DSCAM: variants seen among roughly 807,000 people sequenced by gnomAD.
DSCAM encodes cell adhesion molecule DSCAM.
DSCAM carries 47 observed loss-of-function variants against 217.7 expected under a neutral mutation model. The observed-to-expected ratio is 0.22, with a 90% confidence interval of 0.17 to 0.28. The LOEUF is 0.28. Ranked by LOEUF, DSCAM falls within the 10% of genes least tolerant of loss-of-function variation. The pLI is 1.00. For missense variants in DSCAM, 2,080 were observed against 2,618.3 expected, an observed-to-expected ratio of 0.79 and a Z score of 4.49; for synonymous variants, 1,056 against 1,015.3, an observed-to-expected ratio of 1.04 and a Z score of -0.76.
intron 1 of DSCAM, among the ~76,000 whole-genome samples, chr21:40,726,533 G>T (rs2090956918): frequency 7.0e-6 from 1 of 142,668 alleles, no homozygotes; most frequent in South Asian, 2.2e-4. Context: ...GAACATAGAA[G>T]AGTCAGCTTT....
intron 9 of DSCAM, among the ~76,000 whole-genome samples, chr21:40,311,796 A>G (rs985934604): frequency 2.0e-5 from 3 of 152,192 alleles, no homozygotes; most frequent in African/African-American, 7.2e-5. Context: ...TCATTGGCTT[A>G]GCATACGGAA....
At chr21:40,504,731 A>G (rs2076196965) in intron 3 of DSCAM, among the ~76,000 whole-genome samples, 1 of 152,230 alleles carries the variant, frequency 6.6e-6, no homozygotes, top group Non-Finnish European at 1.5e-5. Flanking sequence ...GAATGGTTCA[A>G]TACAGAGGAC....
At chr21:40,768,283 G>T (rs1253724478) in intron 1 of DSCAM, among the ~76,000 whole-genome samples, 1 of 152,116 alleles carries the variant, frequency 6.6e-6, no homozygotes, top group East Asian at 1.9e-4. Flanking sequence ...AAGACAGGTG[G>T]CCTTCCCACC....
At chr21:40,831,325 A>T (rs1454157466) in intron 1 of DSCAM, among the ~76,000 whole-genome samples, 2 of 152,222 alleles carry the variant, frequency 1.3e-5, no homozygotes, top group Non-Finnish European at 2.9e-5. Flanking sequence ...ACACAGGCAC[A>T]CACAGGCATA....
chr21:40,111,026 C>T (rs1272571485), intron 20 of DSCAM, among the ~76,000 whole-genome samples: 1 of 152,158 alleles, frequency 6.6e-6, no homozygotes. Flanking sequence ...CCCAATCTAG[C>T]AAGGCAGGCC....
intron 3 of DSCAM, chr21:40,384,613 CACA>C (rs1383459592): frequency 8.5e-5 from 13 of 153,182 alleles, no homozygotes; most frequent in Non-Finnish European, 1.6e-4. Flanking sequence ...ATCTCAAAAC[CACA>C]ACAACAACAA....
intron 16 of DSCAM, among the ~76,000 whole-genome samples, chr21:40,156,345 G>A (rs1020556450): frequency 6.8e-6 from 1 of 147,674 alleles, no homozygotes; most frequent in African/African-American, 2.5e-5. Context: ...GAGAGAAAGG[G>A]GCTTGTAAAG....
At chr21:40,423,234 C>A (rs1026808882) in intron 3 of DSCAM, among the ~76,000 whole-genome samples, 8 of 152,220 alleles carry the variant, frequency 5.3e-5, no homozygotes, top group African/African-American at 1.9e-4. Context: ...CAAATATATT[C>A]ATTCCCAAAA....
chr21:40,380,159 GC>G (rs2075005515), intron 3 of DSCAM, among the ~76,000 whole-genome samples: 1 of 152,128 alleles, frequency 6.6e-6, no homozygotes, highest in African/African-American at 2.4e-5. Flanking sequence ...ACTAATTTAA[GC>G]CTGCATACTG....
intron 24 of DSCAM, among the ~76,000 whole-genome samples, chr21:40,082,389 G>A (rs1314046783): frequency 6.6e-6 from 1 of 152,204 alleles, no homozygotes; most frequent in Non-Finnish European, 1.5e-5. Context: ...GAACCCGGGA[G>A]GCAGAGGTTG....
chr21:40,469,137 C>A (rs2075868040), intron 3 of DSCAM, among the ~76,000 whole-genome samples: 1 of 152,182 alleles, frequency 6.6e-6, no homozygotes, highest in African/African-American at 2.4e-5. Flanking sequence ...AGAACTATAA[C>A]AACCCCTACC....
At chr21:40,227,039 G>T (rs2091339466) in intron 11 of DSCAM, among the ~76,000 whole-genome samples, 1 of 152,070 alleles carries the variant, frequency 6.6e-6, no homozygotes, top group Admixed American at 6.5e-5. Context: ...TAAGGATAAT[G>T]GTCTCCAGCT....
At chr21:40,205,525 C>T (rs1425533502) in intron 11 of DSCAM, among the ~76,000 whole-genome samples, 2 of 151,634 alleles carry the variant, frequency 1.3e-5, no homozygotes, top group Non-Finnish European at 2.9e-5. Flanking sequence ...ATCGCTTAAA[C>T]CCGGGAGATG....
chr21:40,700,622 T>C (rs931615036), intron 2 of DSCAM, among the ~76,000 whole-genome samples: 2 of 152,182 alleles, frequency 1.3e-5, no homozygotes, highest in Non-Finnish European at 2.9e-5. Context: ...TTTAGTTTTC[T>C]TATGTCTTGT....
intron 8 of DSCAM, 121 bp from the exon 9 acceptor site, chr21:40,312,480 G>A (rs780304925): frequency 1.8e-6 from 2 of 1,107,470 alleles, no homozygotes; most frequent in South Asian, 2.2e-5. Context: ...TAGAAATACA[G>A]GAACTGTAGC....
At chr21:40,251,504 A>AT (rs2073304318) in intron 11 of DSCAM, among the ~76,000 whole-genome samples, 1 of 152,070 alleles carries the variant, frequency 6.6e-6, no homozygotes, top group Non-Finnish European at 1.5e-5. Flanking sequence ...CCTTGTTTTA[A>AT]TTTGGGATAG....
chr21:40,777,986 T>A (rs183498919), intron 1 of DSCAM, among the ~76,000 whole-genome samples: 33 of 152,274 alleles, frequency 2.2e-4, no homozygotes, highest in African/African-American at 7.5e-4. Context: ...GATAATGATA[T>A]TTTACCTCCA....
At chr21:40,151,571 A>C (rs2090423321) in intron 16 of DSCAM, among the ~76,000 whole-genome samples, 1 of 152,254 alleles carries the variant, frequency 6.6e-6, no homozygotes, top group Non-Finnish European at 1.5e-5. Flanking sequence ...GGTTTTGAAC[A>C]CACATGAGAT....
In DSCAM at chr21:40,578,903, C is replaced by T. The variant is rs566535677; in HGVS notation, c.508+113907G>A. On this transcript the variant is annotated intron_variant, in intron 3 of 32. Transcript: ENST00000400454. The stretch of plus-strand genomic sequence containing the variant: ...AGTTAGGTGTCAGGAATTTAATTTT[C>T]AAGTGACATGGAAGAGTTCCAGAAA... Among the ~76,000 whole-genome samples, 23 of 152,250 alleles carry T rather than the reference C, an allele frequency of 1.5e-4. No individual in the cohort carries two copies. In the East Asian group the frequency reaches 1.5e-3, roughly 10 times the overall value.
Sources: allele counts gnomAD v4.1 joint callset (sites outside exome capture counted in the v4.1 genomes callset), GRCh38; gene constraint gnomAD v4.1.1; transcripts MANE v1.5; gene names NCBI Gene and HGNC (gene_info 2026-07-23, HGNC 2026-07-21).